The following WDFY4 variants were observed in gnomAD, a reference collection of about 807,000 sequenced individuals.
The protein encoded by WDFY4 is WD repeat- and FYVE domain-containing protein 4.
WDFY4 carries 169 observed loss-of-function variants against 351.9 expected under a neutral mutation model. That is an observed-to-expected ratio of 0.48 (90% CI 0.42 to 0.55). WDFY4 has a LOEUF of 0.55. Among genes scored for constraint, WDFY4 ranks in the 20% least tolerant of loss-of-function variants. WDFY4 has a pLI of 0.00. For synonymous variants in WDFY4, 1,622 were observed against 1,574.6 expected (o/e 1.03, Z -0.71); for missense variants, 3,803 against 3,935.6 (o/e 0.97, Z 0.90).
rs1047703820 is a variant in WDFY4 at position 48,696,655 on chromosome 10, C to G, written c.-18+11654C>G. On this transcript the variant is annotated intron_variant, in intron 1 of 61. Transcript: ENST00000325239. ...TAGGCTGGGACTAGGGCAGCTGACT[C>G]AGACCTTGGGGCTGAACCCCAAAGA... 2.0e-4 allele frequency among the ~76,000 whole-genome samples: 30 copies of G among 152,226 alleles called. 1 individual carries two copies. The highest frequency in any genetic ancestry group is 7.3e-5 in the Non-Finnish European group (5 of 68,032).
chr10:48,889,959 C>T (rs1452532595), intron 43 of WDFY4, among the ~76,000 whole-genome samples: 4 of 152,206 alleles, frequency 2.6e-5, no homozygotes, highest in Admixed American at 2.6e-4. Context: ...TGACCTTGGA[C>T]CAGGGGCTGT....
At chr10:48,969,960 C>T (rs970267280) in intron 56 of WDFY4, among the ~76,000 whole-genome samples, 171 bp from the exon 57 acceptor site, 5 of 152,258 alleles carry the variant, frequency 3.3e-5, no homozygotes, top group East Asian at 3.9e-4. Context: ...GGAGCTCCTG[C>T]GTGGGGTCCC....
intron 39 of WDFY4, among the ~76,000 whole-genome samples, chr10:48,857,048 A>G (rs116394850): frequency 0.02 from 2,976 of 152,332 alleles, 102 homozygotes; most frequent in African/African-American, 0.066. Flanking sequence ...CTTTCAAGAA[A>G]ATAGCTGCCA....
Position 48,916,800 on chromosome 10 carries a change from A to G in WDFY4, c.7586+14937A>G, listed in dbSNP as rs376231274. On this transcript the variant is annotated intron_variant, in intron 47 of 61. Coordinates refer to ENST00000325239, the MANE Select transcript of WDFY4 (RefSeq NM_001394531.1). ...GTGTGATCAAAGAGTATACTTACAC[A>G]AACCTAAATGGAATAACCTACTACA... is the stretch of plus-strand genomic sequence containing the variant. 2.0e-4 allele frequency among the ~76,000 whole-genome samples: 30 copies of G among 148,908 alleles called. No individual in the cohort carries two copies. In the East Asian group the frequency reaches 4.7e-3, roughly 23 times the overall value.
intron 42 of WDFY4, 22 bp from the exon 43 acceptor site, chr10:48,877,011 G>A (rs113025492): frequency 1.8e-5 from 26 of 1,451,272 alleles, no homozygotes; most frequent in Middle Eastern, 4.5e-4. Context: ...TCAACACCAC[G>A]TGTCCCTTTA....
chr10:48,685,180 G>A (rs943639796), intron 1 of WDFY4, among the ~76,000 whole-genome samples, 179 bp downstream of exon 1: 3 of 152,198 alleles, frequency 2.0e-5, no homozygotes, highest in Admixed American at 6.5e-5. Context: ...AGCAGGAAGT[G>A]TGTGTGGCGT....
intron 31 of WDFY4, among the ~76,000 whole-genome samples, chr10:48,814,737 T>C (rs1378102498): frequency 6.6e-6 from 1 of 152,202 alleles, no homozygotes; most frequent in Non-Finnish European, 1.5e-5. Flanking sequence ...AAATGATACA[T>C]GATTACCTTT....
At chr10:48,783,309 A>G (rs983651356) in intron 19 of WDFY4, among the ~76,000 whole-genome samples, 2 of 152,198 alleles carry the variant, frequency 1.3e-5, no homozygotes, top group African/African-American at 4.8e-5. Flanking sequence ...TGAATGCTAC[A>G]TAAATAGTTG....
At chr10:48,903,200 A>G (rs940795557) in intron 47 of WDFY4, among the ~76,000 whole-genome samples, 2 of 152,196 alleles carry the variant, frequency 1.3e-5, no homozygotes, top group Admixed American at 1.3e-4. Context: ...AGGCTTATCA[A>G]ATTGGAGTGC....
intron 39 of WDFY4, among the ~76,000 whole-genome samples, chr10:48,867,032 T>A (rs934927273): frequency 6.6e-6 from 1 of 151,882 alleles, no homozygotes; most frequent in East Asian, 1.9e-4. Context: ...TAGCCAGGCA[T>A]GGTGGTGGGC....
At position 48,897,713 on chromosome 10, in the gene WDFY4, C is replaced by A. The variant is rs1589831451; in HGVS notation, c.7437+139C>A. 7.5e-6 allele frequency: 10 copies of A among 1,331,226 alleles called. No homozygotes were observed. In the East Asian group the frequency reaches 2.6e-4, roughly 34 times the overall value. 82.5% of individuals were successfully genotyped at this position (1,331,226 alleles called of 1,614,324 possible). A position where few individuals can be genotyped will look rare whatever the true frequency, so the allele number is the denominator to read the frequency against. ...ACAGCCCAGTGCCCTTAAGGAGACA[C>A]CCGCAAGTTCCCTGGGCTTGTGGTG... On this transcript the variant is annotated intron_variant, in intron 45 of 61. Transcript: ENST00000325239.
At chr10:48,802,074 C>A (rs955035581) in intron 24 of WDFY4, among the ~76,000 whole-genome samples, 2 of 151,958 alleles carry the variant, frequency 1.3e-5, no homozygotes, top group African/African-American at 4.8e-5. Flanking sequence ...TTCTTTCTAG[C>A]TACTAGATGC....
intron 33 of WDFY4, 112 bp downstream of exon 33, chr10:48,820,549 T>C: frequency 1.7e-6 from 2 of 1,169,802 alleles, no homozygotes; most frequent in Non-Finnish European, 2.4e-6. Flanking sequence ...CCACAGCGAG[T>C]GAAGGGGAAT....
intron 47 of WDFY4, chr10:48,913,318 C>T: frequency 6.9e-7 from 1 of 1,439,630 alleles, no homozygotes; most frequent in Middle Eastern, 2.0e-4. Flanking sequence ...CCTTGGTTTC[C>T]TGTGGAGGTA....
chr10:48,768,098 G>A (rs2065730714), intron 13 of WDFY4, among the ~76,000 whole-genome samples: 1 of 152,184 alleles, frequency 6.6e-6, no homozygotes, highest in African/African-American at 2.4e-5. Context: ...GCTTAGAATG[G>A]GGACAACAAA....
intron 2 of WDFY4, among the ~76,000 whole-genome samples, chr10:48,713,446 T>C (rs531659682): frequency 2.0e-5 from 3 of 152,384 alleles, no homozygotes; most frequent in Non-Finnish European, 2.9e-5. Flanking sequence ...TACTTGAATC[T>C]GCAGTAACTG....
chr10:48,757,498 T>A (rs537201638), intron 12 of WDFY4, among the ~76,000 whole-genome samples: 44 of 152,214 alleles, frequency 2.9e-4, no homozygotes, highest in African/African-American at 9.1e-4. Context: ...TTTTAACCTA[T>A]CTATATCACA....
At chr10:48,977,396 C>A (rs926514383) in intron 59 of WDFY4, among the ~76,000 whole-genome samples, 2 of 152,022 alleles carry the variant, frequency 1.3e-5, no homozygotes, top group Non-Finnish European at 2.9e-5. Flanking sequence ...CATCCATCCA[C>A]CCATCCATCT....
chr10:48,716,951 C>CCAA (rs1449087634), intron 2 of WDFY4, among the ~76,000 whole-genome samples: 2 of 152,236 alleles, frequency 1.3e-5, no homozygotes, highest in African/African-American at 4.8e-5. Context: ...TGGCAGTTGG[C>CCAA]TTGCAGGTGG....
Sources: gnomAD v4.1 joint callset for allele counts (sites outside exome capture counted in the v4.1 genomes callset) on GRCh38, gnomAD v4.1.1 for gene constraint, MANE v1.5 for transcripts, NCBI Gene and HGNC (gene_info 2026-07-23, HGNC 2026-07-21) for gene names.